MAPK14: variants seen among roughly 807,000 people sequenced by gnomAD.
MAPK14 encodes mitogen-activated protein kinase 14, also known as CSAID-binding protein.
A neutral mutation model predicts 49.6 loss-of-function variants in MAPK14; 16 were observed. The ratio of observed to expected loss-of-function variants is 0.32; its 90% CI spans 0.22 to 0.49. The LOEUF is 0.49. MAPK14 is among the 20% of genes least tolerant of loss of function. The pLI is 0.99. For synonymous variants in MAPK14, 142 were observed against 158.0 expected (o/e 0.90, Z 0.76); for missense variants, 200 against 441.2 (o/e 0.45, Z 4.90).
chr6:36,118,044 T>C, the MAPK14 span, among the ~76,000 whole-genome samples: 1 of 152,368 alleles, frequency 6.6e-6, no homozygotes, highest in South Asian at 2.1e-4. Context: ...TAAGAAGAGA[T>C]ACGTGTTAGA....
chr6:36,047,470 A>G (rs1287970442), intron 1 of MAPK14, among the ~76,000 whole-genome samples: 2 of 152,274 alleles, frequency 1.3e-5, no homozygotes, highest in Admixed American at 6.5e-5. Flanking sequence ...GTAGGCCATC[A>G]TGAGAAATTT....
chr6:36,064,064 TTGTGTGTGTG>T (rs112138637), intron 3 of MAPK14, among the ~76,000 whole-genome samples: 5 of 149,518 alleles, frequency 3.3e-5, no homozygotes, highest in Non-Finnish European at 4.5e-5. Flanking sequence ...TGCCTTTTCT[TTGTGTGTGTG>T]TGTGTGTGTG....
chr6:36,081,627 G>A (rs999033353), intron 8 of MAPK14, among the ~76,000 whole-genome samples: 7 of 152,164 alleles, frequency 4.6e-5, no homozygotes, highest in African/African-American at 1.7e-4. Flanking sequence ...ATACCACACT[G>A]TTTTGATCAC....
At chr6:36,052,524 A>G (rs1023553357) in intron 1 of MAPK14, among the ~76,000 whole-genome samples, 175 bp from the exon 2 acceptor site, 4 of 152,214 alleles carry the variant, frequency 2.6e-5, no homozygotes, top group Non-Finnish European at 5.9e-5. Flanking sequence ...ACCAAAAATA[A>G]TAACAGAAGC....
At chr6:36,047,308 G>A (rs1763217942) in intron 1 of MAPK14, among the ~76,000 whole-genome samples, 3 of 152,086 alleles carry the variant, frequency 2.0e-5, no homozygotes, top group South Asian at 2.1e-4. Flanking sequence ...GGATGGGGGC[G>A]GAGGAGAAGA....
chr6:36,117,130 A>T, the MAPK14 span, among the ~76,000 whole-genome samples: 2 of 152,182 alleles, frequency 1.3e-5, no homozygotes, highest in African/African-American at 4.8e-5. Context: ...CTTGTTCAGC[A>T]CACACTGGGT....
Position 36,110,094 on chromosome 6 carries a change from A to G in MAPK14, c.*1647A>G, listed in dbSNP as rs1307332115. 6.6e-6 allele frequency: 1 copy of G among 152,210 alleles called. No individual in the cohort carries two copies. The highest frequency in any genetic ancestry group is 1.5e-5 in the Non-Finnish European group (1 of 68,042). 9.4% of individuals were successfully genotyped at this position (152,210 alleles called of 1,614,324 possible). ...GAAGTGTCGTTTTCATAACTTGCTG[A>G]ATTTCAGGCATTTTGTTCTACATGA... is the stretch of plus-strand genomic sequence containing the variant. On this transcript the variant is annotated 3_prime_UTR_variant, in exon 12 of 12. Transcript: ENST00000229794.
chr6:36,075,225 CAAAAAAAAA>C (rs70975130), intron 6 of MAPK14, among the ~76,000 whole-genome samples: 3 of 62,942 alleles, frequency 4.8e-5, no homozygotes, highest in Non-Finnish European at 8.5e-5. Flanking sequence ...GACTCCGTCT[CAAAAAAAAA>C]AAAAAAAAAA....
intron 2 of MAPK14, among the ~76,000 whole-genome samples, chr6:36,054,059 A>G (rs1294679240): frequency 2.0e-5 from 3 of 151,292 alleles, no homozygotes; most frequent in Non-Finnish European, 2.9e-5. Flanking sequence ...CATGTTTACA[A>G]GAAGTTGAGA....
intron 11 of MAPK14, among the ~76,000 whole-genome samples, chr6:36,108,133 G>A (rs12530381): frequency 0.43 from 65,316 of 151,974 alleles, 15,445 homozygotes; most frequent in South Asian, 0.64. Context: ...GAGCACCTCC[G>A]TAGAGAGCTT....
At chr6:36,029,377 A>G (rs1239158665) in intron 1 of MAPK14, among the ~76,000 whole-genome samples, 3 of 152,188 alleles carry the variant, frequency 2.0e-5, no homozygotes, top group Non-Finnish European at 4.4e-5. Flanking sequence ...GATAGCATAT[A>G]ATTTCCAGAC....
At chr6:36,056,594 T>G (rs930736945) in intron 2 of MAPK14, among the ~76,000 whole-genome samples, 4 of 152,194 alleles carry the variant, frequency 2.6e-5, no homozygotes, top group Non-Finnish European at 5.9e-5. Context: ...GTGTTTTCAG[T>G]TTGAAATTGG....
chr6:36,030,031 T>C (rs1762479302), intron 1 of MAPK14, among the ~76,000 whole-genome samples: 1 of 152,040 alleles, frequency 6.6e-6, no homozygotes, highest in African/African-American at 2.4e-5. Flanking sequence ...TATAGCTCAT[T>C]AATATACTTC....
rs990860268 is a variant in MAPK14, at chr6:36,110,827, A to G, written c.*2380A>G. On this transcript the variant is annotated 3_prime_UTR_variant, in exon 12 of 12. Transcript: ENST00000229794. ...TAATGCACAATATGGCATTATATCA[A>G]TATCCTTTAAACTGTGACCTGGCAT... The G allele has an allele frequency of 1.3e-5, 2 of 152,246 alleles. No homozygotes were observed. The highest frequency in any genetic ancestry group is 2.9e-5 in the Non-Finnish European group (2 of 68,042). 9.4% of individuals were successfully genotyped at this position (152,246 alleles called of 1,614,324 possible). A position where few individuals can be genotyped will look rare whatever the true frequency, so the allele number is the denominator to read the frequency against.
chr6:36,082,355 T>A (rs1386451595), intron 8 of MAPK14, among the ~76,000 whole-genome samples: 1 of 152,252 alleles, frequency 6.6e-6, no homozygotes, highest in Non-Finnish European at 1.5e-5. Context: ...TGATGTTAGC[T>A]GTTGGTTTTT....
intron 8 of MAPK14, among the ~76,000 whole-genome samples, chr6:36,083,994 A>G (rs1395928155): frequency 6.6e-6 from 1 of 152,118 alleles, no homozygotes. Flanking sequence ...AGAGGAAGGA[A>G]CAGGCAGCCA....
intron 9 of MAPK14, chr6:36,097,662 C>T (rs930232611): frequency 3.3e-5 from 5 of 152,018 alleles, no homozygotes; most frequent in Non-Finnish European, 5.9e-5. Context: ...CCTATAGATA[C>T]GTGCTATTAG....
At chr6:36,088,803 A>G (rs1360647809) in intron 8 of MAPK14, among the ~76,000 whole-genome samples, 3 of 152,252 alleles carry the variant, frequency 2.0e-5, no homozygotes, top group African/African-American at 4.8e-5. Context: ...CAAACATGAA[A>G]AAAAGCTCAG....
At chr6:36,100,390 A>G (rs973349196) in intron 9 of MAPK14, 5 of 738,462 alleles carry the variant, frequency 6.8e-6, no homozygotes, top group East Asian at 5.1e-5. Flanking sequence ...AGGCCTGCCT[A>G]TGTGCTATTG....
Sources: allele counts gnomAD v4.1 joint callset (sites outside exome capture counted in the v4.1 genomes callset), GRCh38; gene constraint gnomAD v4.1.1; transcripts MANE v1.5; gene names NCBI Gene and HGNC (gene_info 2026-07-23, HGNC 2026-07-21).